The following HS6ST3 variants were observed in gnomAD, a reference collection of about 807,000 sequenced individuals.
HS6ST3 encodes heparan-sulfate 6-O-sulfotransferase 3.
In HS6ST3, 12 loss-of-function variants were observed where a neutral mutation model predicts 36.7. The ratio of observed to expected loss-of-function variants is 0.33; its 90% confidence interval spans 0.21 to 0.53. The LOEUF is 0.53. Ranked by LOEUF, HS6ST3 falls within the 20% of genes least tolerant of loss-of-function variation. HS6ST3 has a pLI of 0.95. For synonymous variants in HS6ST3, 240 were observed against 257.5 expected, an observed-to-expected ratio of 0.93 and a Z score of 0.65; for missense variants, 584 against 640.9, an observed-to-expected ratio of 0.91 and a Z score of 0.96.
At chr13:96,661,638 TATTA>T (rs1171232322) in intron 1 of HS6ST3, among the ~76,000 whole-genome samples, 8 of 152,140 alleles carry the variant, frequency 5.3e-5, no homozygotes, top group East Asian at 1.9e-4. Flanking sequence ...TCTGTCATGA[TATTA>T]ATTGTTAGTT....
intron 1 of HS6ST3, among the ~76,000 whole-genome samples, chr13:96,752,668 C>T (rs1463272591): frequency 6.6e-6 from 1 of 151,566 alleles, no homozygotes; most frequent in African/African-American, 2.4e-5. Context: ...TTTCTTTTGA[C>T]GTTTAGGATT....
intron 1 of HS6ST3, among the ~76,000 whole-genome samples, chr13:96,365,041 G>A (rs558084441): frequency 2.0e-5 from 3 of 152,222 alleles, no homozygotes; most frequent in Admixed American, 1.3e-4. Context: ...TATTTAAATG[G>A]ACATACTTCA....
At chr13:96,365,942 G>A (rs973861989) in intron 1 of HS6ST3, among the ~76,000 whole-genome samples, 4 of 152,106 alleles carry the variant, frequency 2.6e-5, no homozygotes, top group African/African-American at 9.6e-5. Flanking sequence ...TTAGTAAGAC[G>A]ACTCCATAAG....
intron 1 of HS6ST3, among the ~76,000 whole-genome samples, chr13:96,503,483 G>A (rs2056013705): frequency 6.6e-6 from 1 of 152,156 alleles, no homozygotes; most frequent in Non-Finnish European, 1.5e-5. Flanking sequence ...TCAGGGGAAG[G>A]TCATCATGAC....
intron 1 of HS6ST3, among the ~76,000 whole-genome samples, chr13:96,523,213 G>A (rs1315397583): frequency 6.6e-6 from 1 of 152,176 alleles, no homozygotes; most frequent in Non-Finnish European, 1.5e-5. Context: ...GGCTTGTAGG[G>A]TTTCTGCCGA....
intron 1 of HS6ST3, among the ~76,000 whole-genome samples, chr13:96,248,093 C>T (rs2054592385): frequency 6.6e-6 from 1 of 152,138 alleles, no homozygotes; most frequent in South Asian, 2.1e-4. Flanking sequence ...CAGTGTCTTT[C>T]AGTTTGTAAA....
chr13:96,471,237 T>A (rs1219128874), intron 1 of HS6ST3, among the ~76,000 whole-genome samples: 4 of 152,194 alleles, frequency 2.6e-5, no homozygotes, highest in African/African-American at 9.7e-5. Flanking sequence ...ATCTTGGATG[T>A]CCTCTGCCTT....
rs563529427 is a variant in HS6ST3 at position 96,286,228 on chromosome 13, G to T, written c.707+194659G>T. Among the ~76,000 whole-genome samples, 49 of 152,112 alleles carry T rather than the reference G, an allele frequency of 3.2e-4. 1 individual carries two copies. The highest frequency in any genetic ancestry group is 1.2e-3 in the Admixed American group (18 of 15,270). ...TCTTTCTGTGTAGCTTAGGCAGTTC[G>T]TTCTCCCCTTCTGCTTTATTTTAGC... On this transcript the variant is annotated intron_variant, in intron 1 of 1. Coordinates refer to ENST00000376705, the MANE Select transcript of HS6ST3 (RefSeq NM_153456.4).
chr13:96,338,300 G>A (rs2055111986), intron 1 of HS6ST3, among the ~76,000 whole-genome samples: 1 of 152,074 alleles, frequency 6.6e-6, no homozygotes, highest in Non-Finnish European at 1.5e-5. Flanking sequence ...TGTTTCTCTT[G>A]GGTCTCAGTG....
At chr13:96,607,898 C>T (rs1449507383) in intron 1 of HS6ST3, among the ~76,000 whole-genome samples, 2 of 152,210 alleles carry the variant, frequency 1.3e-5, no homozygotes, top group African/African-American at 4.8e-5. Flanking sequence ...TTTTTAAATG[C>T]GTACTTCCCA....
At chr13:96,804,432 A>G (rs1406208350) in intron 1 of HS6ST3, among the ~76,000 whole-genome samples, 2 of 152,176 alleles carry the variant, frequency 1.3e-5, no homozygotes, top group Non-Finnish European at 2.9e-5. Context: ...TTACACATGC[A>G]GAGCCATAAA....
chr13:96,655,130 C>T (rs1372806745), intron 1 of HS6ST3, among the ~76,000 whole-genome samples: 1 of 152,092 alleles, frequency 6.6e-6, no homozygotes, highest in African/African-American at 2.4e-5. Context: ...TATATTTTCT[C>T]TCTGCCAATA....
rs1223502683 is a variant in HS6ST3 at position 96,833,250 on chromosome 13, T to G, written c.*52T>G. ...GGGGAGGGTGAGCAGGCACATTGAC[T>G]TTCTGTTGAGGTACCTTGGAGAAGC... On this transcript the variant is annotated 3_prime_UTR_variant, in exon 2 of 2. Transcript: ENST00000376705. The G allele has an allele frequency of 2.1e-6, 3 of 1,399,432 alleles. No individual in the cohort carries two copies. The highest frequency in any genetic ancestry group is 1.9e-6 in the Non-Finnish European group (2 of 1,059,020). The allele number at this position is 1,399,432 out of a possible 1,614,324, so 86.7% of individuals were successfully genotyped here.
intron 1 of HS6ST3, among the ~76,000 whole-genome samples, chr13:96,335,126 TG>T (rs1322822935): frequency 5.9e-5 from 9 of 152,104 alleles, no homozygotes; most frequent in South Asian, 2.1e-4. Flanking sequence ...TGTTACTAAC[TG>T]GGGGTGGCTG....
chr13:96,153,821 A>G (rs147828163), intron 1 of HS6ST3, among the ~76,000 whole-genome samples: 2 of 152,368 alleles, frequency 1.3e-5, no homozygotes, highest in African/African-American at 2.4e-5. Context: ...CAGAATATTT[A>G]TGCTAAATGC....
intron 1 of HS6ST3, among the ~76,000 whole-genome samples, chr13:96,453,782 A>G (rs1399379776): frequency 2.0e-5 from 3 of 152,236 alleles, no homozygotes; most frequent in African/African-American, 7.2e-5. Context: ...TGCTTAGTAC[A>G]TAACACCCCT....
At chr13:96,198,870 T>C (rs1372842377) in intron 1 of HS6ST3, among the ~76,000 whole-genome samples, 1 of 152,228 alleles carries the variant, frequency 6.6e-6, no homozygotes, top group South Asian at 2.1e-4. Flanking sequence ...CATTTTTGGA[T>C]GTATTTTCAG....
chr13:96,246,909 G>T (rs1014596424), intron 1 of HS6ST3, among the ~76,000 whole-genome samples: 3 of 152,066 alleles, frequency 2.0e-5, no homozygotes, highest in African/African-American at 7.2e-5. Flanking sequence ...CTTGAGAATG[G>T]TAATTGATTT....
intron 1 of HS6ST3, among the ~76,000 whole-genome samples, chr13:96,323,342 T>C (rs914585180): frequency 6.6e-6 from 1 of 152,200 alleles, no homozygotes; most frequent in African/African-American, 2.4e-5. Flanking sequence ...ATCTCTAACA[T>C]CTTTCCTTTC....
Sources: gnomAD v4.1 joint callset for allele counts (sites outside exome capture counted in the v4.1 genomes callset) on GRCh38, gnomAD v4.1.1 for gene constraint, MANE v1.5 for transcripts, NCBI Gene and HGNC (gene_info 2026-07-23, HGNC 2026-07-21) for gene names.